Variants in ERICH1 observed in about 807,000 individuals in gnomAD.
The protein encoded by ERICH1 is glutamate rich 1, also known as glutamate-rich protein 1.
A neutral mutation model predicts 39.6 loss-of-function variants in ERICH1; 56 were observed. The ratio of observed to expected loss-of-function variants is 1.41; its 90% CI spans 1.14 to 1.77. The LOEUF (loss-of-function observed/expected upper bound fraction) is 1.77, where lower values mean the gene tolerates loss of function less well. Ranked by LOEUF, ERICH1 falls within the 40% of genes most tolerant of loss-of-function variation. The pLI is 0.00. For synonymous variants in ERICH1, 313 were observed against 223.6 expected (o/e 1.40, Z -3.57); for missense variants, 826 against 575.4 (o/e 1.44, Z -4.45).
In ERICH1 at chr8:717,775, G is replaced by C. The variant is rs1816358191; in HGVS notation, c.23-1768C>G. 1.3e-5 allele frequency among the ~76,000 whole-genome samples: 2 copies of C among 152,370 alleles called. 1 individual carries two copies. The highest frequency in any genetic ancestry group is 2.9e-5 in the Non-Finnish European group (2 of 68,038). On this transcript the variant is annotated intron_variant, in intron 1 of 5. Coordinates refer to ENST00000262109, the MANE Select transcript of ERICH1 (RefSeq NM_207332.3). ...CCTCCCCAGGCACAGCTGCCTGCGA[G>C]TGTCTGGAGCCAGGAAAATGCTATG...
At chr8:642,969 G>GA (rs1563181738) in intron 3 of ERICH1, among the ~76,000 whole-genome samples, 1 of 152,164 alleles carries the variant, frequency 6.6e-6, no homozygotes. Context: ...AGACGCCGCC[G>GA]AGTCACTTGT....
Position 646,429 on chromosome 8 carries a change from A to G in ERICH1, c.976+22169T>C, listed in dbSNP as rs1799485464. On this transcript the variant is annotated intron_variant, in intron 3 of 3. Coordinates refer to the ERICH1 transcript ENST00000522706. ...TCCTAGAAAAATCTTTAGCTCTCAC[A>G]AAGACTAAAATTGGGAAATTTGCCT... Among the ~76,000 whole-genome samples the G allele has an allele frequency of 2.9e-5, 2 of 69,436 alleles. 1 individual carries two copies. The highest frequency in any genetic ancestry group is 9.1e-5 in the Non-Finnish European group (2 of 22,034). The allele number at this position is 69,436 out of a possible 152,430, so 45.6% of individuals were successfully genotyped here. A position where few individuals can be genotyped will look rare whatever the true frequency, so the allele number is the denominator to read the frequency against.
chr8:728,906 G>C (rs185617312), intron 1 of ERICH1, among the ~76,000 whole-genome samples: 1 of 150,294 alleles, frequency 6.7e-6, no homozygotes, highest in African/African-American at 2.4e-5. Flanking sequence ...TTGCCTAGCA[G>C]AAACAATCTA....
rs138760942 is a variant in ERICH1, at chr8:636,997, T to C, written c.977-21713A>G. Among the ~76,000 whole-genome samples, 344 of 152,330 alleles carry C rather than the reference T, an allele frequency of 2.3e-3. 1 individual carries two copies. Among genetic ancestry groups the C allele is most frequent in the Middle Eastern group, 3.4e-3 (1 of 294 alleles). On this transcript the variant is annotated intron_variant, in intron 3 of 3. Transcript: ENST00000522706. ...GGGTCGGAGGGTTGGTTCAGGACTT[T>C]AAGCCAGATTGCAAACGCACCGAAG... is the stretch of plus-strand genomic sequence containing the variant.
intron 2 of ERICH1, among the ~76,000 whole-genome samples, chr8:698,394 C>A (rs1485104484): frequency 1.3e-5 from 2 of 151,890 alleles, no homozygotes; most frequent in Non-Finnish European, 2.9e-5. Context: ...AATTTTTGTA[C>A]TTTTAGTAGA....
intron 3 of ERICH1, among the ~76,000 whole-genome samples, chr8:691,353 C>A (rs1485847915): frequency 1.3e-5 from 2 of 152,262 alleles, no homozygotes; most frequent in Admixed American, 1.3e-4. Context: ...AGTCCTGACA[C>A]AGCCTGTCTG....
intron 3 of ERICH1, among the ~76,000 whole-genome samples, chr8:643,817 C>G (rs1163729833): frequency 6.6e-6 from 1 of 152,158 alleles, no homozygotes; most frequent in Non-Finnish European, 1.5e-5. Context: ...AGTGAGGAAG[C>G]AGGATTCAGA....
At chr8:725,197 C>A in intron 1 of ERICH1, 1 of 195,656 alleles carries the variant, frequency 5.1e-6, no homozygotes, top group Non-Finnish European at 1.0e-5. Context: ...CCTGCTGTCC[C>A]CTCCGGCTTC....
intron 3 of ERICH1, among the ~76,000 whole-genome samples, chr8:642,639 A>T (rs1400459322): frequency 6.6e-6 from 1 of 151,826 alleles, no homozygotes; most frequent in Non-Finnish European, 1.5e-5. Flanking sequence ...TACAGAAACC[A>T]CAGTTGAGAA....
chr8:679,097 C>T (rs899020736), intron 3 of ERICH1, among the ~76,000 whole-genome samples: 2 of 150,774 alleles, frequency 1.3e-5, no homozygotes, highest in Non-Finnish European at 1.5e-5. Flanking sequence ...CCCCTCACAG[C>T]TCCGACTCCT....
At chr8:710,181 G>C (rs1255949917) in intron 2 of ERICH1, among the ~76,000 whole-genome samples, 1 of 152,190 alleles carries the variant, frequency 6.6e-6, no homozygotes, top group African/African-American at 2.4e-5. Flanking sequence ...TACATCCTGT[G>C]AGTTGAAGCA....
chr8:697,703 C>T lies in ERICH1; in HGVS notation c.170-5091G>A, dbSNP rs145530120. ...AACCACACAGCCCCCGCCCCCGCCC[C>T]CTCAGCCACCCACACAGGCGCCCCT... is the stretch of plus-strand genomic sequence containing the variant. On this transcript the variant is annotated intron_variant, in intron 2 of 5. Coordinates refer to ENST00000262109, the MANE Select transcript of ERICH1 (RefSeq NM_207332.3). Among the ~76,000 whole-genome samples the T allele has an allele frequency of 2.9e-3, 440 of 152,260 alleles. 1 individual carries two copies. Among genetic ancestry groups the T allele is most frequent in the Non-Finnish European group, 5.5e-3 (375 of 68,014 alleles).
intron 3 of ERICH1, among the ~76,000 whole-genome samples, chr8:624,718 T>A (rs1007913218): frequency 7.3e-5 from 11 of 151,438 alleles, no homozygotes; most frequent in East Asian, 5.8e-4. Context: ...TTTATATTTT[T>A]TATTTTTATT....
chr8:729,868 T>C (rs951052977), intron 1 of ERICH1, among the ~76,000 whole-genome samples: 1 of 151,892 alleles, frequency 6.6e-6, no homozygotes, highest in Non-Finnish European at 1.5e-5. Flanking sequence ...ATTTCTTGCA[T>C]AGAGAAGAGC....
Position 684,567 on chromosome 8 carries a change from G to A in ERICH1, c.304+7911C>T, listed in dbSNP as rs568264171. 1.6e-4 allele frequency among the ~76,000 whole-genome samples: 24 copies of A among 152,270 alleles called. No individual in the cohort carries two copies. In the East Asian group the frequency reaches 3.9e-3, roughly 25 times the overall value. On this transcript the variant is annotated intron_variant, in intron 3 of 5. Transcript: ENST00000262109. ...GGGTTTTCAGTGGTACCACAGAGAA[G>A]AGGGGGGCTCTGAAGCCTGCAGCTT...
intron 3 of ERICH1, among the ~76,000 whole-genome samples, chr8:638,804 T>G (rs1470460226): frequency 1.3e-5 from 2 of 152,146 alleles, no homozygotes; most frequent in Non-Finnish European, 2.9e-5. Context: ...AGACTCATTT[T>G]GACCCCGGCC....
At chr8:715,100 G>C (rs534476874) in intron 2 of ERICH1, among the ~76,000 whole-genome samples, 12 of 152,080 alleles carry the variant, frequency 7.9e-5, no homozygotes, top group East Asian at 3.9e-4. Context: ...CTCTCAGTGG[G>C]ATGTGTTACA....
At chr8:619,522 CA>C (rs1186070309) in intron 3 of ERICH1, among the ~76,000 whole-genome samples, 4 of 152,118 alleles carry the variant, frequency 2.6e-5, no homozygotes, top group African/African-American at 7.2e-5. Context: ...GGAGAGAAAG[CA>C]ATGACATCAG....
chr8:689,106 G>A (rs537017025), intron 3 of ERICH1, among the ~76,000 whole-genome samples: 5 of 142,148 alleles, frequency 3.5e-5, no homozygotes, highest in East Asian at 4.1e-4. Flanking sequence ...AAGAGCTCAC[G>A]TATGATCTTT....
Sources: allele counts gnomAD v4.1 joint callset (sites outside exome capture counted in the v4.1 genomes callset), GRCh38; gene constraint gnomAD v4.1.1; transcripts MANE v1.5; gene names NCBI Gene and HGNC (gene_info 2026-07-23, HGNC 2026-07-21).